EFNA5: variants seen among roughly 807,000 people sequenced by gnomAD.
EFNA5 encodes the protein ephrin A5.
Under a neutral mutation model 22.9 loss-of-function variants are expected in EFNA5, and 5 were observed. The observed-to-expected ratio is 0.22, with a 90% CI of 0.11 to 0.46. The LOEUF (loss-of-function observed/expected upper bound fraction) is 0.46. EFNA5 is among the 20% of genes least tolerant of loss of function. The pLI is 0.99. For synonymous variants in EFNA5, 113 were observed against 112.2 expected, an observed-to-expected ratio of 1.01 and a Z score of -0.04; for missense variants, 237 against 293.3, an observed-to-expected ratio of 0.81 and a Z score of 1.40.
chr5:107,499,769 A>C (rs930193044), intron 1 of EFNA5, among the ~76,000 whole-genome samples: 5 of 152,096 alleles, frequency 3.3e-5, no homozygotes, highest in Non-Finnish European at 5.9e-5. Flanking sequence ...AGGGATTTTC[A>C]CTCCACCACT....
chr5:107,426,992 T>C (rs963092424), intron 2 of EFNA5: 1 of 524,130 alleles, frequency 1.9e-6, no homozygotes, highest in Non-Finnish European at 3.4e-6. Flanking sequence ...AGTGGTTCAG[T>C]GAACAGGCTG....
intron 1 of EFNA5, among the ~76,000 whole-genome samples, chr5:107,427,809 A>T (rs1399191614): frequency 6.6e-6 from 1 of 152,160 alleles, no homozygotes; most frequent in Non-Finnish European, 1.5e-5. Context: ...GGAACTCTAT[A>T]GAGGTACTAG....
intron 1 of EFNA5, among the ~76,000 whole-genome samples, chr5:107,543,818 A>G (rs1437645937): frequency 6.6e-6 from 1 of 152,250 alleles, no homozygotes. Context: ...CCTTGGTGAA[A>G]TGATCGTGTG....
intron 1 of EFNA5, among the ~76,000 whole-genome samples, chr5:107,458,228 G>A (rs889470218): frequency 6.6e-6 from 1 of 152,078 alleles, no homozygotes; most frequent in East Asian, 1.9e-4. Context: ...AGTTTCATCT[G>A]ATATGCCTTT....
At chr5:107,637,837 TTTTATTTA>T (rs34019093) in intron 1 of EFNA5, among the ~76,000 whole-genome samples, 1 of 147,678 alleles carries the variant, frequency 6.8e-6, no homozygotes, top group African/African-American at 2.5e-5. Context: ...AACAGTTTAT[TTTTATTTA>T]TTTATTTATT....
chr5:107,642,537 T>C (rs1327621215), intron 1 of EFNA5, among the ~76,000 whole-genome samples: 2 of 151,932 alleles, frequency 1.3e-5, no homozygotes, highest in South Asian at 2.1e-4. Flanking sequence ...ACAAGACTTC[T>C]TTCCCTGGAA....
chr5:107,601,209 G>A (rs1471430252), intron 1 of EFNA5, among the ~76,000 whole-genome samples: 1 of 152,186 alleles, frequency 6.6e-6, no homozygotes, highest in Non-Finnish European at 1.5e-5. Context: ...TGTTCCAAGG[G>A]AGGAGATCTT....
chr5:107,642,046 C>A (rs770380183), intron 1 of EFNA5, among the ~76,000 whole-genome samples: 23 of 152,170 alleles, frequency 1.5e-4, no homozygotes, highest in Non-Finnish European at 2.9e-4. Flanking sequence ...GAAGGCCTGG[C>A]CCAAACAGAT....
chr5:107,519,173 T>C (rs2112441567), intron 1 of EFNA5, among the ~76,000 whole-genome samples: 1 of 152,346 alleles, frequency 6.6e-6, no homozygotes, highest in Admixed American at 6.5e-5. Flanking sequence ...AATGAGATCA[T>C]ATATTAGCTG....
In EFNA5 at chr5:107,582,078, G is replaced by A. The variant is rs188617412; in HGVS notation, c.125+88411C>T. Among the ~76,000 whole-genome samples, 395 of 152,262 alleles carry A rather than the reference G, an allele frequency of 2.6e-3. 2 individuals are homozygous for A. The highest frequency in any genetic ancestry group is 3.7e-3 in the Non-Finnish European group (252 of 68,014). On this transcript the variant is annotated intron_variant, in intron 1 of 4. Transcript: ENST00000333274. ...CTAAGTACACAGGTATCAATCAGTC[G>A]TATATAAGTGAAAGATGAGTGTAAC...
At chr5:107,419,479 T>C (rs1347618385) in intron 2 of EFNA5, among the ~76,000 whole-genome samples, 1 of 152,212 alleles carries the variant, frequency 6.6e-6, no homozygotes, top group Non-Finnish European at 1.5e-5. Flanking sequence ...AGAAAATTGT[T>C]CCATTCTATT....
chr5:107,666,652 A>G (rs1751080907), intron 1 of EFNA5, among the ~76,000 whole-genome samples: 1 of 152,152 alleles, frequency 6.6e-6, no homozygotes, highest in Non-Finnish European at 1.5e-5. Context: ...CAGGTTGAGG[A>G]CGACTGGTAT....
At chr5:107,535,946 C>T (rs1226652566) in intron 1 of EFNA5, among the ~76,000 whole-genome samples, 1 of 152,162 alleles carries the variant, frequency 6.6e-6, no homozygotes, top group Non-Finnish European at 1.5e-5. Context: ...TCATTCTTCC[C>T]TTACCCTTTT....
chr5:107,447,685 C>T (rs577890968), intron 1 of EFNA5, among the ~76,000 whole-genome samples: 7 of 152,192 alleles, frequency 4.6e-5, no homozygotes, highest in South Asian at 2.1e-4. Context: ...GCAGGATGGA[C>T]GAAGGGGAGG....
intron 2 of EFNA5, among the ~76,000 whole-genome samples, chr5:107,415,807 T>C (rs182605791): frequency 2.6e-5 from 4 of 152,314 alleles, no homozygotes; most frequent in Admixed American, 6.5e-5. Flanking sequence ...CAACAGCAAG[T>C]ATAACTAATT....
At chr5:107,456,828 G>C (rs953598460) in intron 1 of EFNA5, among the ~76,000 whole-genome samples, 2 of 152,004 alleles carry the variant, frequency 1.3e-5, no homozygotes, top group African/African-American at 4.8e-5. Context: ...CTGATGTTTG[G>C]GGTCTGTAAG....
intron 1 of EFNA5, among the ~76,000 whole-genome samples, chr5:107,594,887 T>C (rs899911047): frequency 2.0e-5 from 3 of 152,220 alleles, no homozygotes; most frequent in Non-Finnish European, 2.9e-5. Context: ...AACCGTTCAT[T>C]CTCATGACCT....
chr5:107,535,523 T>C (rs920597564), intron 1 of EFNA5, among the ~76,000 whole-genome samples: 5 of 152,146 alleles, frequency 3.3e-5, no homozygotes, highest in African/African-American at 1.2e-4. Flanking sequence ...ATTAATCAAA[T>C]GATAAAGTTT....
intron 1 of EFNA5, among the ~76,000 whole-genome samples, chr5:107,433,444 A>T (rs1749021057): frequency 6.6e-6 from 1 of 152,218 alleles, no homozygotes; most frequent in South Asian, 2.1e-4. Context: ...GATAAAAAGC[A>T]CGTATCTAGG....
Sources: gnomAD v4.1 joint callset for allele counts (sites outside exome capture counted in the v4.1 genomes callset) on GRCh38, gnomAD v4.1.1 for gene constraint, MANE v1.5 for transcripts, NCBI Gene and HGNC (gene_info 2026-07-23, HGNC 2026-07-21) for gene names.